Variants in GALNT13 observed in about 807,000 individuals in gnomAD.
GALNT13 encodes the protein polypeptide N-acetylgalactosaminyltransferase 13.
A neutral mutation model predicts 64.2 loss-of-function variants in GALNT13; 28 were observed. The observed-to-expected ratio is 0.44, with a 90% CI of 0.32 to 0.60. The LOEUF is 0.60. GALNT13 is among the 20% of genes least tolerant of loss of function. The pLI is 0.05. For synonymous variants in GALNT13, 214 were observed against 224.6 expected (o/e 0.95, Z 0.42); for missense variants, 577 against 669.8 (o/e 0.86, Z 1.53).
chr2:154,274,162 T>C (rs1691509707), intron 8 of GALNT13, among the ~76,000 whole-genome samples: 1 of 152,078 alleles, frequency 6.6e-6, no homozygotes. Flanking sequence ...AAGGTGTGGT[T>C]CTTGATTTCT....
the GALNT13 span, among the ~76,000 whole-genome samples, chr2:153,235,334 A>G: frequency 0.84 from 127,153 of 152,098 alleles, 54,369 homozygotes; most frequent in African/African-American, 0.93. Flanking sequence ...ATTACAAAGC[A>G]AAAGTACACT....
At chr2:153,281,401 G>C in the GALNT13 span, among the ~76,000 whole-genome samples, 3 of 151,954 alleles carry the variant, frequency 2.0e-5, no homozygotes, top group African/African-American at 7.2e-5. Context: ...ATTGGTATGA[G>C]ATGTTTCCAT....
At chr2:153,728,489 A>T in the GALNT13 span, among the ~76,000 whole-genome samples, 1 of 152,216 alleles carries the variant, frequency 6.6e-6, no homozygotes, top group Non-Finnish European at 1.5e-5. Flanking sequence ...GAACACAGCA[A>T]AAACAGTGTT....
the GALNT13 span, among the ~76,000 whole-genome samples, chr2:153,152,877 A>G: frequency 6.6e-6 from 1 of 152,136 alleles, no homozygotes; most frequent in Admixed American, 6.6e-5. Context: ...ATACACGTGC[A>G]TGTGTCTTTA....
At chr2:153,078,387 C>T in the GALNT13 span, among the ~76,000 whole-genome samples, 1 of 150,602 alleles carries the variant, frequency 6.6e-6, no homozygotes, top group Non-Finnish European at 1.5e-5. Context: ...TCTCAGCTCA[C>T]TGCAACGTCT....
the GALNT13 span, among the ~76,000 whole-genome samples, chr2:153,666,145 C>G: frequency 6.6e-6 from 1 of 152,030 alleles, no homozygotes; most frequent in African/African-American, 2.4e-5. Flanking sequence ...TCAGTGGCCA[C>G]TTCTATAACT....
intron 4 of GALNT13, among the ~76,000 whole-genome samples, chr2:154,152,826 A>C (rs1004936331): frequency 6.6e-6 from 1 of 151,996 alleles, no homozygotes; most frequent in African/African-American, 2.4e-5. Flanking sequence ...CTAGTTCTAC[A>C]TTTGTCTAAA....
chr2:154,183,952 A>G (rs1037696361), intron 4 of GALNT13, among the ~76,000 whole-genome samples: 2 of 152,120 alleles, frequency 1.3e-5, no homozygotes, highest in South Asian at 4.2e-4. Flanking sequence ...TAATATAGAC[A>G]TTAATTGTTA....
chr2:154,226,717 A>T (rs1166010961), intron 4 of GALNT13, among the ~76,000 whole-genome samples: 1 of 152,084 alleles, frequency 6.6e-6, no homozygotes, highest in African/African-American at 2.4e-5. Flanking sequence ...ACTGATATTA[A>T]TTGTTCTTGT....
the GALNT13 span, among the ~76,000 whole-genome samples, chr2:153,072,087 A>G: frequency 6.6e-6 from 1 of 152,200 alleles, no homozygotes; most frequent in East Asian, 1.9e-4. Context: ...TATTGTTAAT[A>G]AAATATTTCA....
the GALNT13 span, among the ~76,000 whole-genome samples, chr2:153,294,246 G>A: frequency 6.6e-6 from 1 of 152,118 alleles, no homozygotes; most frequent in African/African-American, 2.4e-5. Flanking sequence ...GGGGATGTGA[G>A]GAACTTCCTT....
At position 154,287,272 on chromosome 2, in the gene GALNT13, A is replaced by G. The variant is rs938619702; in HGVS notation, c.976-14137A>G. 9 of 778,354 alleles carry G rather than the reference A, an allele frequency of 1.2e-5. No individual in the cohort carries two copies. The East Asian group carries it at 2.0e-4, about 17-fold the overall frequency. 48.2% of individuals were successfully genotyped at this position (778,354 alleles called of 1,614,324 possible). Reference sequence around the variant, plus strand: ...TTGCCGACGGCAACTCCAAGACAGCAGAGCTGATCCCCAACTCACTGGCCA... The same window carrying G: ...TTGCCGACGGCAACTCCAAGACAGCGGAGCTGATCCCCAACTCACTGGCCA... On this transcript the variant is annotated intron_variant, in intron 8 of 12. Transcript: ENST00000392825.
At chr2:153,240,461 T>G in the GALNT13 span, among the ~76,000 whole-genome samples, 1 of 152,116 alleles carries the variant, frequency 6.6e-6, no homozygotes, top group African/African-American at 2.4e-5. Context: ...CTGCTTGTGG[T>G]TCAGTAGCCC....
the GALNT13 span, among the ~76,000 whole-genome samples, chr2:153,789,879 C>T: frequency 6.6e-6 from 1 of 151,984 alleles, no homozygotes; most frequent in East Asian, 1.9e-4. Flanking sequence ...GAGACTGAAG[C>T]AGAAAGAAAT....
intron 9 of GALNT13, among the ~76,000 whole-genome samples, chr2:154,316,635 G>C (rs1003286944): frequency 1.3e-5 from 2 of 152,074 alleles, no homozygotes; most frequent in African/African-American, 4.8e-5. Context: ...CATAGTGTTG[G>C]CCTCTGTTGA....
the GALNT13 span, among the ~76,000 whole-genome samples, chr2:153,388,928 C>T: frequency 6.6e-6 from 1 of 152,050 alleles, no homozygotes; most frequent in African/African-American, 2.4e-5. Flanking sequence ...CTGGGGTCTA[C>T]TTGGAGAGAG....
At chr2:154,181,005 G>A (rs1685930434) in intron 4 of GALNT13, among the ~76,000 whole-genome samples, 1 of 152,122 alleles carries the variant, frequency 6.6e-6, no homozygotes, top group Non-Finnish European at 1.5e-5. Context: ...GTATTGTCAG[G>A]ATGCAAAACC....
chr2:154,167,042 G>T (rs1685070575), intron 4 of GALNT13, among the ~76,000 whole-genome samples: 1 of 151,762 alleles, frequency 6.6e-6, no homozygotes, highest in Non-Finnish European at 1.5e-5. Context: ...TGAGTTAATG[G>T]GTGCAGCACA....
At chr2:154,393,597 T>A (rs1698901177) in intron 9 of GALNT13, among the ~76,000 whole-genome samples, 1 of 152,206 alleles carries the variant, frequency 6.6e-6, no homozygotes, top group African/African-American at 2.4e-5. Flanking sequence ...TGTACATTTC[T>A]AAAGGTAATT....
Sources: allele counts gnomAD v4.1 joint callset (sites outside exome capture counted in the v4.1 genomes callset), GRCh38; gene constraint gnomAD v4.1.1; transcripts MANE v1.5; gene names NCBI Gene and HGNC (gene_info 2026-07-23, HGNC 2026-07-21).